Variants in TSPAN7 observed in about 807,000 individuals in gnomAD.
TSPAN7 encodes tetraspanin-7.
In TSPAN7, 1 loss-of-function variant was observed where a neutral mutation model predicts 17.6. The observed-to-expected ratio is 0.06, with a 90% confidence interval of 0.02 to 0.27. The LOEUF (loss-of-function observed/expected upper bound fraction) is 0.27. TSPAN7 is among the 10% of genes least tolerant of loss of function. The pLI, the probability that TSPAN7 is intolerant of heterozygous loss-of-function variation, is 1.00. For synonymous variants in TSPAN7, 78 were observed against 79.0 expected (o/e 0.99, Z 0.07); for missense variants, 112 against 201.7 (o/e 0.56, Z 2.69).
chrX:38,646,321 A>G (rs1364289492), intron 1 of TSPAN7: 30 of 1,149,841 alleles, frequency 2.6e-5, no homozygotes, highest in Non-Finnish European at 3.2e-5. Context: ...TGGTAAGTAA[A>G]TTTTGTTGCA....
chrX:38,626,946 G>A (rs1297615655), intron 1 of TSPAN7, among the ~76,000 whole-genome samples: 1 of 111,211 alleles, frequency 9.0e-6, no homozygotes, highest in Non-Finnish European at 1.9e-5. Flanking sequence ...TGCTTCGTGT[G>A]TATCTCATCT....
chrX:38,616,454 T>C (rs1288331951), intron 1 of TSPAN7, among the ~76,000 whole-genome samples: 1 of 112,005 alleles, frequency 8.9e-6, no homozygotes, highest in Non-Finnish European at 1.9e-5. Context: ...CCTGCCTCAT[T>C]CATCTATGGC....
At chrX:38,659,029 C>T (rs1474752151) in intron 1 of TSPAN7, among the ~76,000 whole-genome samples, 2 of 92,639 alleles carry the variant, frequency 2.2e-5, no homozygotes, top group African/African-American at 8.0e-5. Flanking sequence ...CACACACACA[C>T]ACACACACAC....
intron 1 of TSPAN7, among the ~76,000 whole-genome samples, chrX:38,574,016 C>G (rs766771556): frequency 1.1e-4 from 12 of 112,041 alleles, no homozygotes; most frequent in Non-Finnish European, 2.1e-4. Flanking sequence ...GGTACTCTTT[C>G]AAAGAAAATC....
intron 6 of TSPAN7, among the ~76,000 whole-genome samples, chrX:38,684,346 A>T (rs1411511926): frequency 3.6e-5 from 4 of 110,005 alleles, no homozygotes; most frequent in African/African-American, 1.0e-4. Context: ...CTCTCAAGGT[A>T]AACCTCATTT....
intron 1 of TSPAN7, among the ~76,000 whole-genome samples, chrX:38,605,686 C>T (rs2147414066): frequency 9.1e-6 from 1 of 110,095 alleles, no homozygotes; most frequent in African/African-American, 3.3e-5. Flanking sequence ...GTAACCAAAA[C>T]AGCATGGTAC....
At chrX:38,606,371 G>A (rs188906212) in intron 1 of TSPAN7, among the ~76,000 whole-genome samples, 1 of 111,898 alleles carries the variant, frequency 8.9e-6, no homozygotes, top group East Asian at 2.8e-4. Flanking sequence ...AACATTAAGT[G>A]GAGACTAGAG....
At position 38,674,218 on chromosome X, in the gene TSPAN7, T is replaced by C. The variant is rs1355616630; in HGVS notation, c.346-3T>C. On this transcript the variant is annotated splice_polypyrimidine_tract_variant and splice_region_variant and intron_variant, in intron 3 of 7. Coordinates refer to ENST00000378482, the MANE Select transcript of TSPAN7 (RefSeq NM_004615.4). Reference sequence around the variant, plus strand: ...CAATCACATCCCTCCTTGTCTTCCATAGATCAAGGACACCTTCCTGAGGAC... The same window carrying C: ...CAATCACATCCCTCCTTGTCTTCCACAGATCAAGGACACCTTCCTGAGGAC... 6 of 1,184,931 alleles carry C rather than the reference T, an allele frequency of 5.1e-6. No individual in the cohort carries two copies. The highest frequency in any genetic ancestry group is 5.7e-6 in the Non-Finnish European group (5 of 877,713).
At chrX:38,575,559 T>C (rs754183775) in intron 1 of TSPAN7, among the ~76,000 whole-genome samples, 1 of 111,634 alleles carries the variant, frequency 9.0e-6, no homozygotes, top group East Asian at 2.8e-4. Context: ...GATATCTATA[T>C]GTGAGAAAAT....
At chrX:38,675,098 T>A (rs773998163) in intron 4 of TSPAN7, among the ~76,000 whole-genome samples, 2 of 112,298 alleles carry the variant, frequency 1.8e-5, no homozygotes, top group South Asian at 3.7e-4. Context: ...CTGTAAAGGA[T>A]CAAATAGTAA....
intron 1 of TSPAN7, among the ~76,000 whole-genome samples, chrX:38,653,289 A>C: frequency 1.8e-5 from 2 of 111,634 alleles, no homozygotes; most frequent in Non-Finnish European, 3.8e-5. Flanking sequence ...ATGAACAGCC[A>C]ATCAAATCCC....
chrX:38,640,933 G>A (rs2069608172), intron 1 of TSPAN7, among the ~76,000 whole-genome samples: 1 of 112,164 alleles, frequency 8.9e-6, no homozygotes. Flanking sequence ...AAGCACTTTA[G>A]CTATATTTCA....
At chrX:38,562,559 G>GGGA (rs2069118263) in intron 1 of TSPAN7, among the ~76,000 whole-genome samples, 1 of 100,595 alleles carries the variant, frequency 9.9e-6, no homozygotes, top group Non-Finnish European at 2.0e-5. Flanking sequence ...CGGGGGAGGG[G>GGGA]GGAGGAGGAG....
intron 1 of TSPAN7, among the ~76,000 whole-genome samples, chrX:38,660,153 T>C (rs2069735798): frequency 9.0e-6 from 1 of 111,160 alleles, no homozygotes; most frequent in African/African-American, 3.3e-5. Flanking sequence ...TTCTTTTAAA[T>C]ATATTGAGTC....
chrX:38,622,892 G>A, intron 1 of TSPAN7: 1 of 331,405 alleles, frequency 3.0e-6, no homozygotes, highest in Non-Finnish European at 5.9e-6. Context: ...ATTTCTGTTT[G>A]TTTGGGATAG....
chrX:38,635,331 T>C (rs1392430396), intron 1 of TSPAN7, among the ~76,000 whole-genome samples: 1 of 111,489 alleles, frequency 9.0e-6, no homozygotes, highest in African/African-American at 3.3e-5. Flanking sequence ...ATTTTTTACC[T>C]TGGGTGCAAG....
chrX:38,671,256 C>A, intron 2 of TSPAN7, 120 bp from the exon 3 acceptor site: 1 of 684,735 alleles, frequency 1.5e-6, no homozygotes, highest in Non-Finnish European at 2.4e-6. Context: ...TTTTTCTAAA[C>A]TTTGTCTAGG....
chrX:38,684,835 T>C (rs1228589457), intron 6 of TSPAN7, among the ~76,000 whole-genome samples: 2 of 111,396 alleles, frequency 1.8e-5, no homozygotes, highest in East Asian at 2.8e-4. Flanking sequence ...GCAGCTACTA[T>C]AGATCCAGGA....
chrX:38,621,678 C>CT (rs897378755), intron 1 of TSPAN7, among the ~76,000 whole-genome samples: 16 of 110,342 alleles, frequency 1.5e-4, no homozygotes, highest in South Asian at 3.9e-4. Flanking sequence ...AAGGCAGATT[C>CT]TTTTTTTTAC....
Sources: gnomAD v4.1 joint callset for allele counts (sites outside exome capture counted in the v4.1 genomes callset) on GRCh38, gnomAD v4.1.1 for gene constraint, MANE v1.5 for transcripts, NCBI Gene and HGNC (gene_info 2026-07-23, HGNC 2026-07-21) for gene names.